CFAP20DC: variants seen among roughly 807,000 people sequenced by gnomAD.
The protein encoded by CFAP20DC is CFAP20 domain containing, also known as protein CFAP20DC.
A neutral mutation model predicts 101.7 loss-of-function variants in CFAP20DC; 84 were observed. The observed-to-expected ratio is 0.83, with a 90% CI of 0.69 to 0.99. CFAP20DC has a LOEUF of 0.99. Ranked by LOEUF, CFAP20DC falls within the 50% of genes least tolerant of loss-of-function variation. The pLI, the probability that CFAP20DC is intolerant of heterozygous loss-of-function variation, is 0.00. For missense variants in CFAP20DC, 1,007 were observed against 970.3 expected (o/e 1.04, Z -0.50); for synonymous variants, 359 against 351.2 (o/e 1.02, Z -0.25).
At position 59,001,311 on chromosome 3, in the gene CFAP20DC, C is replaced by T. The variant is rs1164187805; in HGVS notation, c.278+38246G>A. 6.6e-6 allele frequency among the ~76,000 whole-genome samples: 1 copy of T among 152,080 alleles called. No homozygotes were observed. The highest frequency in any genetic ancestry group is 2.4e-5 in the African/African-American group (1 of 41,396). On this transcript the variant is annotated intron_variant, in intron 4 of 16. Transcript: ENST00000482387. The surrounding 1 kb of genome is among the most constrained non-coding windows in gnomAD (Gnocchi z 4.5). ...GCCTCTATAGGACTGTATAGATCAC[C>T]AAGAAGGCATACCACTAGAGGAAAG...
At chr3:58,744,721 G>C (rs1242482497) in intron 16 of CFAP20DC, among the ~76,000 whole-genome samples, 2 of 152,120 alleles carry the variant, frequency 1.3e-5, no homozygotes, top group African/African-American at 4.8e-5. Context: ...GGTTCCAGGA[G>C]GAAGCCATAG....
rs1399228951 is a variant in CFAP20DC, at chr3:58,753,713, C to T, written c.2332+56G>A. The stretch of plus-strand genomic sequence containing the variant: ...GGCATCTCAAAGTGATGGATTCTCT[C>T]TATTTATAGTAAATTATTTTTATTT... On this transcript the variant is annotated intron_variant, in intron 16 of 16. Transcript: ENST00000482387. The T allele has an allele frequency of 1.4e-4, 158 of 1,133,900 alleles. 1 individual carries two copies. The East Asian group carries it at 3.9e-3, about 28-fold the overall frequency. 70.2% of individuals were successfully genotyped at this position (1,133,900 alleles called of 1,614,324 possible). A position where few individuals can be genotyped will look rare whatever the true frequency, so the allele number is the denominator to read the frequency against.
intron 4 of CFAP20DC, among the ~76,000 whole-genome samples, chr3:59,016,193 C>T (rs945650711): frequency 6.6e-6 from 1 of 152,014 alleles, no homozygotes; most frequent in African/African-American, 2.4e-5. Flanking sequence ...TACTATCCAG[C>T]CATAAAAGGG....
Position 58,868,059 on chromosome 3 carries a change from G to T in CFAP20DC, c.1016-123C>A. The T allele has an allele frequency of 2.7e-6, 3 of 1,121,254 alleles. No individual in the cohort carries two copies. The highest frequency in any genetic ancestry group is 3.6e-6 in the Non-Finnish European group (3 of 824,536). The allele number at this position is 1,121,254 out of a possible 1,614,324, so 69.5% of individuals were successfully genotyped here. On this transcript the variant is annotated intron_variant, in intron 9 of 16. Transcript: ENST00000482387. The surrounding 1 kb of genome is among the most constrained non-coding windows in gnomAD (Gnocchi z 4.6). ...ATGTATAATTTTGACATAATGTGAA[G>T]ATACATCAAAAATACAACTTCATAG...
chr3:58,832,993 C>A (rs1394928748), intron 13 of CFAP20DC, among the ~76,000 whole-genome samples: 1 of 152,002 alleles, frequency 6.6e-6, no homozygotes, highest in East Asian at 1.9e-4. Context: ...TTCCAAGACA[C>A]CTTAGAATTT....
chr3:58,969,334 A>G (rs1345323902), intron 4 of CFAP20DC, among the ~76,000 whole-genome samples: 1 of 152,188 alleles, frequency 6.6e-6, no homozygotes, highest in Non-Finnish European at 1.5e-5. Flanking sequence ...AAAGACTAAC[A>G]ATAATATGTC....
At chr3:58,734,240 T>C (rs1257202880) in intron 3 of CFAP20DC, among the ~76,000 whole-genome samples, 2 of 152,248 alleles carry the variant, frequency 1.3e-5, no homozygotes, top group African/African-American at 2.4e-5. Context: ...CTGTACAGCC[T>C]GCAGAACGGT....
intron 5 of CFAP20DC, among the ~76,000 whole-genome samples, chr3:58,923,951 T>C (rs903521864): frequency 1.3e-5 from 2 of 152,204 alleles, no homozygotes; most frequent in African/African-American, 4.8e-5. Context: ...CTCTGTGCTT[T>C]AGTTTGCATA....
chr3:58,783,672 G>A (rs553642816), intron 15 of CFAP20DC, among the ~76,000 whole-genome samples: 4 of 151,848 alleles, frequency 2.6e-5, no homozygotes, highest in Admixed American at 6.6e-5. Context: ...ACATACAAAC[G>A]GCCAACAGAT....
At position 58,849,102 on chromosome 3, in the gene CFAP20DC, G is replaced by A. The variant is rs929474945; in HGVS notation, c.1901C>T (p.Pro634Leu). The change falls in exon 13 of 17, where the codon CCA becomes CTA. Residue 634 changes from proline (P) to leucine (L), a missense_variant. By Grantham distance (98) the Pro-to-Leu change is moderately conservative. Coordinates refer to ENST00000482387, the MANE Select transcript of CFAP20DC (RefSeq NM_001394063.1). ...CAGGGAGGTTTTGTTTAGTGAAGCTGGCACTTGCTGGGCTGATAGATCCTT... is the reference window on the plus strand; with the variant it reads ...CAGGGAGGTTTTGTTTAGTGAAGCTAGCACTTGCTGGGCTGATAGATCCTT... ...KAKDLSAQQV[P>L]ASLNKTSLKE... 177 of 1,536,058 alleles carry A rather than the reference G, an allele frequency of 1.2e-4. 1 individual carries two copies. In the East Asian group the frequency reaches 3.8e-3, roughly 33 times the overall value.
intron 13 of CFAP20DC, among the ~76,000 whole-genome samples, chr3:58,836,123 G>T (rs765244796): frequency 1.2e-4 from 18 of 152,116 alleles, no homozygotes; most frequent in Non-Finnish European, 2.4e-4. Flanking sequence ...TCTTTCTCCA[G>T]ACATTATTGG....
Position 59,015,123 on chromosome 3 carries a change from G to A in CFAP20DC, c.278+24434C>T, listed in dbSNP as rs2093662414. 6.6e-6 allele frequency among the ~76,000 whole-genome samples: 1 copy of A among 152,104 alleles called. No individual in the cohort carries two copies. Among genetic ancestry groups the A allele is most frequent in the South Asian group, 2.1e-4 (1 of 4,824 alleles). ...AAGAGCCTAAGGTTGAGTTCTTGCT[G>A]AACAGGTGCGGGAGGAGGCAGGCTT... On this transcript the variant is annotated intron_variant, in intron 4 of 16. Coordinates refer to ENST00000482387, the MANE Select transcript of CFAP20DC (RefSeq NM_001394063.1). This position sits in a 1 kb window ranked among gnomAD's most constrained non-coding sequence, Gnocchi z 5.4.
At chr3:58,813,168 C>T (rs1408838599) in intron 14 of CFAP20DC, among the ~76,000 whole-genome samples, 1 of 151,796 alleles carries the variant, frequency 6.6e-6, no homozygotes, top group African/African-American at 2.4e-5. Context: ...AAAAATGATG[C>T]CAATACCTAA....
At chr3:59,005,435 C>T (rs1212137224) in intron 4 of CFAP20DC, among the ~76,000 whole-genome samples, 1 of 152,176 alleles carries the variant, frequency 6.6e-6, no homozygotes, top group Non-Finnish European at 1.5e-5. Flanking sequence ...CTAGCTGATA[C>T]AGACAAGTTT....
intron 4 of CFAP20DC, among the ~76,000 whole-genome samples, chr3:58,979,687 G>A (rs552804714): frequency 6.6e-6 from 1 of 152,214 alleles, no homozygotes; most frequent in Non-Finnish European, 1.5e-5. Flanking sequence ...ATTCAACTAC[G>A]AACTGGCTGA....
chr3:58,753,865 T>A lies in CFAP20DC; in HGVS notation c.2238-2A>T. 1 of 1,600,144 alleles carries A rather than the reference T, an allele frequency of 6.2e-7. No homozygotes were observed. The highest frequency in any genetic ancestry group is 8.5e-7 in the Non-Finnish European group (1 of 1,171,530). On this transcript the variant is annotated splice_acceptor_variant, in intron 15 of 16. Transcript: ENST00000482387. LOFTEE classifies it high-confidence loss of function. ...GGGCTCAACATATTTAACCAGTCCC[T>A]AAAAAGAAAACAAAGTGAATGAGCA...
intron 4 of CFAP20DC, among the ~76,000 whole-genome samples, chr3:58,976,300 A>G (rs747341099): frequency 3.3e-5 from 5 of 152,226 alleles, no homozygotes; most frequent in Non-Finnish European, 5.9e-5. Flanking sequence ...AGGTGGGGAA[A>G]TAGCAGAGGA....
At chr3:58,806,251 A>G (rs1267860068) in intron 15 of CFAP20DC, 144 bp downstream of exon 15, 2 of 628,758 alleles carry the variant, frequency 3.2e-6, no homozygotes, top group African/African-American at 3.7e-5. Context: ...TCCAAAGAAG[A>G]CAAGTAGATG....
At chr3:59,044,020 CTTTAT>C (rs768413649) in intron 3 of CFAP20DC, among the ~76,000 whole-genome samples, 3 of 152,080 alleles carry the variant, frequency 2.0e-5, no homozygotes, top group Non-Finnish European at 4.4e-5. Context: ...TCACAATTTC[CTTTAT>C]TTTATGTGTT....
Sources: allele counts gnomAD v4.1 joint callset (sites outside exome capture counted in the v4.1 genomes callset), GRCh38; gene constraint gnomAD v4.1.1; non-coding constraint Gnocchi (gnomAD v3.1); transcripts MANE v1.5; gene names NCBI Gene and HGNC (gene_info 2026-07-23, HGNC 2026-07-21).